The following CADM1 variants were observed in gnomAD, a reference collection of about 807,000 sequenced individuals.
The protein encoded by CADM1 is cell adhesion molecule 1, also known as TSLC-1.
A neutral mutation model predicts 53.1 loss-of-function variants in CADM1; 15 were observed. The ratio of observed to expected loss-of-function variants is 0.28; its 90% CI spans 0.19 to 0.44. The LOEUF (loss-of-function observed/expected upper bound fraction) is 0.44. CADM1 is among the 20% of genes least tolerant of loss of function. The pLI is 1.00. For synonymous variants in CADM1, 281 were observed against 243.0 expected (o/e 1.16, Z -1.45); for missense variants, 434 against 611.3 (o/e 0.71, Z 3.06).
intron 1 of CADM1, among the ~76,000 whole-genome samples, chr11:115,436,027 A>G (rs1001617129): frequency 6.6e-6 from 1 of 152,142 alleles, no homozygotes; most frequent in Admixed American, 6.5e-5. Flanking sequence ...CTACAAAGAC[A>G]CTCTGCAAGA....
At position 115,310,888 on chromosome 11, in the gene CADM1, T is replaced by C. The variant is rs556926045; in HGVS notation, c.125-70468A>G. ...AAATGAAGAAAAAAGAAGAGTAATATTTGTGGGTAACATAAAAGTCTGTGG... is the reference window on the plus strand; with the variant it reads ...AAATGAAGAAAAAAGAAGAGTAATACTTGTGGGTAACATAAAAGTCTGTGG... On this transcript the variant is annotated intron_variant, in intron 1 of 11. Transcript: ENST00000331581. 3.3e-5 allele frequency among the ~76,000 whole-genome samples: 5 copies of C among 152,284 alleles called. No homozygotes were observed. In the East Asian group the frequency reaches 9.7e-4, roughly 29 times the overall value.
Position 115,182,885 on chromosome 11 carries a change from T to C in CADM1, c.1166-4110A>G, listed in dbSNP as rs550593550. On this transcript the variant is annotated intron_variant, in intron 10 of 11. Coordinates refer to ENST00000331581, the MANE Select transcript of CADM1 (RefSeq NM_001301043.2). Reference sequence around the variant, plus strand: ...GTTAGCTTTTCTTTTGGCAAAAAGCTGAAACAACTTGGCTCCAGGTGAGAG... The same window carrying C: ...GTTAGCTTTTCTTTTGGCAAAAAGCCGAAACAACTTGGCTCCAGGTGAGAG... Among the ~76,000 whole-genome samples the C allele has an allele frequency of 5.3e-4, 81 of 152,330 alleles. No individual in the cohort carries two copies. The East Asian group carries it at 8.3e-3, about 16-fold the overall frequency.
chr11:115,481,582 C>G (rs532874454), intron 1 of CADM1, among the ~76,000 whole-genome samples: 2 of 152,270 alleles, frequency 1.3e-5, no homozygotes, highest in South Asian at 4.2e-4. Context: ...GTATCTTCAC[C>G]TGAATGTGCC....
At position 115,402,717 on chromosome 11, in the gene CADM1, G is replaced by A. The variant is rs530683974; in HGVS notation, c.124+101554C>T. Among the ~76,000 whole-genome samples, 174 of 151,318 alleles carry A rather than the reference G, an allele frequency of 1.1e-3. 1 individual carries two copies. Among genetic ancestry groups the A allele is most frequent in the Non-Finnish European group, 2.1e-3 (142 of 67,820 alleles). Reference sequence around the variant, plus strand: ...GAGACATAACATTTTTTTTTTCACTGATCAGATTGGCAAAACTCCAAGTTT... The same window carrying A: ...GAGACATAACATTTTTTTTTTCACTAATCAGATTGGCAAAACTCCAAGTTT... On this transcript the variant is annotated intron_variant, in intron 1 of 11. Coordinates refer to ENST00000331581, the MANE Select transcript of CADM1 (RefSeq NM_001301043.2).
chr11:115,281,444 G>A (rs1045624751), intron 1 of CADM1, among the ~76,000 whole-genome samples: 22 of 152,158 alleles, frequency 1.4e-4, no homozygotes, highest in African/African-American at 4.3e-4. Context: ...TTTTTAAAAC[G>A]GGGGCAAAGC....
chr11:115,342,602 A>G (rs949188778), intron 1 of CADM1, among the ~76,000 whole-genome samples: 36 of 152,288 alleles, frequency 2.4e-4, no homozygotes, highest in Admixed American at 2.2e-3. Flanking sequence ...TCATCTATCA[A>G]AACACTATGC....
chr11:115,388,212 A>C (rs1946747933), intron 1 of CADM1, among the ~76,000 whole-genome samples: 1 of 152,186 alleles, frequency 6.6e-6, no homozygotes, highest in South Asian at 2.1e-4. Context: ...AGACAGACAG[A>C]TAGATGGATA....
chr11:115,502,527 G>T (rs1034880416), intron 1 of CADM1, among the ~76,000 whole-genome samples: 27 of 151,836 alleles, frequency 1.8e-4, no homozygotes, highest in Admixed American at 1.4e-3. Flanking sequence ...AAATGAAGTT[G>T]TAACCACACC....
intron 1 of CADM1, among the ~76,000 whole-genome samples, chr11:115,345,283 G>T (rs1214098276): frequency 6.6e-6 from 1 of 152,142 alleles, no homozygotes; most frequent in Non-Finnish European, 1.5e-5. Flanking sequence ...AATCAAAAGA[G>T]CCCAAACATT....
At chr11:115,276,817 T>A (rs144076313) in intron 1 of CADM1, among the ~76,000 whole-genome samples, 97 of 152,234 alleles carry the variant, frequency 6.4e-4, no homozygotes, top group Admixed American at 4.1e-3. Flanking sequence ...GCTCCAATCA[T>A]CTCTACACTA....
At position 115,170,424 on chromosome 11, in the gene CADM1, C is replaced by T. The variant is rs936478835; in HGVS notation, c.*6050G>A. 4 of 152,062 alleles carry T rather than the reference C, an allele frequency of 2.6e-5. No individual in the cohort carries two copies. Among genetic ancestry groups the T allele is most frequent in the Admixed American group, 6.5e-5 (1 of 15,272 alleles). The allele number at this position is 152,062 out of a possible 1,614,324, so 9.4% of individuals were successfully genotyped here. A position where few individuals can be genotyped will look rare whatever the true frequency, so the allele number is the denominator to read the frequency against. ...AGCACTGACCACCAGGGGCAGTAGA[C>T]ATTTTATGTTTTTTGGGAATGAAAA... On this transcript the variant is annotated 3_prime_UTR_variant, in exon 12 of 12. Coordinates refer to ENST00000331581, the MANE Select transcript of CADM1 (RefSeq NM_001301043.2).
At chr11:115,291,221 A>AG (rs1247278192) in intron 1 of CADM1, among the ~76,000 whole-genome samples, 7 of 152,090 alleles carry the variant, frequency 4.6e-5, no homozygotes, top group Non-Finnish European at 8.8e-5. Context: ...TAATGCTTTG[A>AG]GGGAAAAAAA....
chr11:115,255,094 G>C (rs1409032660), intron 1 of CADM1, among the ~76,000 whole-genome samples: 1 of 152,090 alleles, frequency 6.6e-6, no homozygotes, highest in Non-Finnish European at 1.5e-5. Context: ...AAGAGAGTGA[G>C]CAGGAGTCGA....
intron 1 of CADM1, among the ~76,000 whole-genome samples, chr11:115,370,004 A>T (rs1946270967): frequency 6.6e-6 from 1 of 152,178 alleles, no homozygotes; most frequent in South Asian, 2.1e-4. Context: ...ATAAATGCAG[A>T]TCTCCCAACA....
intron 1 of CADM1, among the ~76,000 whole-genome samples, chr11:115,425,225 T>C (rs1407904291): frequency 2.6e-5 from 4 of 152,242 alleles, no homozygotes; most frequent in Non-Finnish European, 5.9e-5. Context: ...AAGTCTTTGA[T>C]AATATAAATC....
At chr11:115,216,086 G>A (rs1941171026) in intron 6 of CADM1, among the ~76,000 whole-genome samples, 1 of 152,218 alleles carries the variant, frequency 6.6e-6, no homozygotes, top group Non-Finnish European at 1.5e-5. Flanking sequence ...ATGTCCTGCT[G>A]CTTGACAGCT....
At chr11:115,455,414 T>TAG (rs1352605065) in intron 1 of CADM1, among the ~76,000 whole-genome samples, 3 of 151,492 alleles carry the variant, frequency 2.0e-5, no homozygotes, top group South Asian at 2.1e-4. Flanking sequence ...CATATATATA[T>TAG]ATAGAGAGAG....
chr11:115,358,488 C>A (rs926595310), intron 1 of CADM1, among the ~76,000 whole-genome samples: 1 of 152,124 alleles, frequency 6.6e-6, no homozygotes, highest in Non-Finnish European at 1.5e-5. Context: ...TTCACTATCA[C>A]GAGAACAGCA....
intron 10 of CADM1, among the ~76,000 whole-genome samples, chr11:115,187,736 C>G (rs1939637498): frequency 6.6e-6 from 1 of 152,184 alleles, no homozygotes; most frequent in Non-Finnish European, 1.5e-5. Flanking sequence ...CCATCGCGCC[C>G]AGCTAAATAT....
Sources: allele counts gnomAD v4.1 joint callset (sites outside exome capture counted in the v4.1 genomes callset), GRCh38; gene constraint gnomAD v4.1.1; transcripts MANE v1.5; gene names NCBI Gene and HGNC (gene_info 2026-07-23, HGNC 2026-07-21).